Variants in PRAG1 observed in about 807,000 individuals in gnomAD.
The protein encoded by PRAG1 is inactive tyrosine-protein kinase PRAG1.
In PRAG1, 110 loss-of-function variants were observed where a neutral mutation model predicts 95.6. The observed-to-expected ratio is 1.15, with a 90% CI of 0.99 to 1.35. PRAG1 has a LOEUF of 1.35. Ranked by LOEUF, PRAG1 falls within the 40% of genes most tolerant of loss-of-function variation. PRAG1 has a pLI of 0.00. For missense variants in PRAG1, 2,554 were observed against 1,864.7 expected, an observed-to-expected ratio of 1.37 and a Z score of -6.81; for synonymous variants, 1,052 against 819.4, an observed-to-expected ratio of 1.28 and a Z score of -4.85.
chr8:8,363,868 T>A (rs2116898221), intron 3 of PRAG1, among the ~76,000 whole-genome samples: 1 of 152,340 alleles, frequency 6.6e-6, no homozygotes, highest in Admixed American at 6.5e-5. Flanking sequence ...GATTTCATTC[T>A]CTTAGTTATT....
chr8:8,376,237 T>C lies in PRAG1; in HGVS notation c.2162+10A>G, dbSNP rs1415737536. 1.2e-6 allele frequency: 2 copies of C among 1,609,306 alleles called. No individual in the cohort carries two copies. Among genetic ancestry groups the C allele is most frequent in the East Asian group, 2.2e-5 (1 of 44,870 alleles). ...TGCAGACAGAGTCCCAGGCAGACAA[T>C]GGTACTCACCGCGACTTTGGAGGCG... is the stretch of plus-strand genomic sequence containing the variant. On this transcript the variant is annotated intron_variant, in intron 3 of 5. Transcript: ENST00000615670.
rs528782231 is a variant in PRAG1 at position 8,376,611 on chromosome 8, G to A, written c.1798C>T (p.Arg600Trp). 40 of 1,603,356 alleles carry A rather than the reference G, an allele frequency of 2.5e-5. No homozygotes were observed. The highest frequency in any genetic ancestry group is 1.3e-4 in the Admixed American group (8 of 59,302). The part of the protein sequence containing the change: ...QGPADPAPSC[R>W]TNGVAISDPS... ...TCACTGATAGCGACACCGTTGGTCCGGCAGGAAGGAGCGGGGTCAGCAGGA... is the reference window on the plus strand; with the variant it reads ...TCACTGATAGCGACACCGTTGGTCCAGCAGGAAGGAGCGGGGTCAGCAGGA... Residue 600 changes from arginine (R) to tryptophan (W), a missense_variant, in exon 3 of 6, where the codon CGG (arginine) becomes TGG (tryptophan). Arg to Trp is a moderately radical substitution (Grantham distance 101, BLOSUM62 -3). Transcript: ENST00000615670.
Position 8,377,256 on chromosome 8 carries a change from C to T in PRAG1, c.1153G>A (p.Val385Met). 5.6e-6 allele frequency: 9 copies of T among 1,612,842 alleles called. No individual in the cohort carries two copies. The highest frequency in any genetic ancestry group is 7.6e-6 in the Non-Finnish European group (9 of 1,179,946). The change falls in exon 3 of 6, where the codon GTG (valine) becomes ATG (methionine). Residue 385 changes from valine (V) to methionine (M), a missense_variant. By Grantham distance (21) the Val-to-Met change is conservative. Coordinates refer to ENST00000615670, the MANE Select transcript of PRAG1 (RefSeq NM_001080826.3). Reference sequence around the variant, plus strand: ...AGCCCAAGGCATCTGCTAGGGGTCACCCCTGGGCAGCCAGGGTCCTGCTGC... The same window carrying T: ...AGCCCAAGGCATCTGCTAGGGGTCATCCCTGGGCAGCCAGGGTCCTGCTGC... ...EKQQDPGCPGVTPSRCLGLTG... is the reference protein window; with the variant it reads ...EKQQDPGCPGMTPSRCLGLTG...
chr8:8,357,741 G>C (rs73523424), intron 3 of PRAG1, among the ~76,000 whole-genome samples: 2,847 of 152,274 alleles, frequency 0.019, 85 homozygotes, highest in African/African-American at 0.065. Flanking sequence ...TTGCTTACCT[G>C]TGTTCATAGC....
chr8:8,369,547 C>A (rs1441197907), intron 3 of PRAG1, among the ~76,000 whole-genome samples: 1 of 152,152 alleles, frequency 6.6e-6, no homozygotes, highest in Non-Finnish European at 1.5e-5. Flanking sequence ...GAAATAAACA[C>A]GGCACTGTCT....
chr8:8,381,543 G>T lies in PRAG1; in HGVS notation c.205C>A (p.Leu69Met). ...RLPPRPENCR[L>M]EDEGVNSSPY... is the part of the protein sequence containing the mutation. ...GAGCTGTTCACACCTTCATCTTCCA[G>T]GCGGCAGTTCTCAGGCCTGGGAGGC... Residue 69 changes from leucine (L) to methionine (M), a missense_variant, in exon 2 of 6, where the codon CTG becomes ATG. Leu to Met is a conservative substitution (Grantham distance 15). Transcript: ENST00000615670. The T allele has an allele frequency of 6.2e-7, 1 of 1,614,218 alleles. No individual in the cohort carries two copies. Among genetic ancestry groups the T allele is most frequent in the Non-Finnish European group, 8.5e-7 (1 of 1,180,038 alleles).
Position 8,369,167 on chromosome 8 carries a change from C to T in PRAG1, c.2162+7080G>A, listed in dbSNP as rs1164400811. Among the ~76,000 whole-genome samples the T allele has an allele frequency of 2.0e-5, 3 of 150,894 alleles. No individual in the cohort carries two copies. The East Asian group carries it at 5.8e-4, about 29-fold the overall frequency. On this transcript the variant is annotated intron_variant, in intron 3 of 5. Coordinates refer to ENST00000615670, the MANE Select transcript of PRAG1 (RefSeq NM_001080826.3). ...TGAAATATCAGGCCAGGAACTATTA[C>T]ATTTGTAGTTCACTCTGGCTTGCTT...
intron 4 of PRAG1, among the ~76,000 whole-genome samples, chr8:8,333,170 A>G (rs1798875945): frequency 6.6e-6 from 1 of 152,174 alleles, no homozygotes; most frequent in Non-Finnish European, 1.5e-5. Context: ...AAAAGGGGTG[A>G]GAGGGGAGAA....
At chr8:8,331,036 T>TA (rs1230449718) in intron 4 of PRAG1, among the ~76,000 whole-genome samples, 1 of 152,186 alleles carries the variant, frequency 6.6e-6, no homozygotes, top group Admixed American at 6.5e-5. Context: ...GCGAGGCGTC[T>TA]GATTCTCAAT....
Position 8,377,951 on chromosome 8 carries a change from G to A in PRAG1, c.458C>T (p.Ser153Phe). 6.2e-7 allele frequency: 1 copy of A among 1,613,976 alleles called. No individual in the cohort carries two copies. Among genetic ancestry groups the A allele is most frequent in the South Asian group, 1.1e-5 (1 of 91,064 alleles). ...CATGGTGTAAGCTGGGGGACAGCGA[G>A]AATTGCCATCAGGGGAGGTAGAGGG... is the stretch of plus-strand genomic sequence containing the variant. ...AGPSTSPDGN[S>F]RCPPAYTMVG... Residue 153 changes from serine (S) to phenylalanine (F), a missense_variant, in exon 3 of 6, where the codon TCT becomes TTT. Coordinates refer to ENST00000615670, the MANE Select transcript of PRAG1 (RefSeq NM_001080826.3).
chr8:8,350,398 A>C lies in PRAG1; in HGVS notation c.2163-10763T>G, dbSNP rs373864841. On this transcript the variant is annotated intron_variant, in intron 3 of 5. Coordinates refer to ENST00000615670, the MANE Select transcript of PRAG1 (RefSeq NM_001080826.3). ...GATCACCTAAGAACAACGTGTTCCAACTCATGGCCTGGAAAGTCAAGGAGG... is the reference window on the plus strand; with the variant it reads ...GATCACCTAAGAACAACGTGTTCCACCTCATGGCCTGGAAAGTCAAGGAGG... Among the ~76,000 whole-genome samples the C allele has an allele frequency of 5.4e-4, 82 of 152,314 alleles. 1 individual carries two copies. The South Asian group carries it at 0.017, about 31-fold the overall frequency.
intron 3 of PRAG1, among the ~76,000 whole-genome samples, chr8:8,368,706 G>A (rs961969876): frequency 6.6e-6 from 1 of 152,116 alleles, no homozygotes; most frequent in South Asian, 2.1e-4. Context: ...TCCCTCTGAC[G>A]ACGTCAGGGA....
intron 3 of PRAG1, among the ~76,000 whole-genome samples, chr8:8,372,580 G>A (rs745473275): frequency 2.6e-5 from 4 of 152,162 alleles, no homozygotes; most frequent in Admixed American, 1.3e-4. Flanking sequence ...TGGAGGGTTG[G>A]GCAGGCACTT....
At position 8,381,426 on chromosome 8, in the gene PRAG1, C is replaced by G. The variant is rs755458576; in HGVS notation, c.322G>C (p.Val108Leu). 2 of 1,604,600 alleles carry G rather than the reference C, an allele frequency of 1.2e-6. No individual in the cohort carries two copies. Among genetic ancestry groups the G allele is most frequent in the Non-Finnish European group, 1.7e-6 (2 of 1,172,264 alleles). The change falls in exon 2 of 6, where the codon GTC becomes CTC. Residue 108 changes from valine to leucine, a missense_variant. By Grantham distance (32) the Val-to-Leu change is conservative. Transcript: ENST00000615670. ...VWTEANLSAE[V>L]SQVIWRRAPG... Reference sequence around the variant, plus strand: ...GTGTTAGTCAGCCTCACCTGCGAGACTTCGGCACTCAGGTTGGCCTCTGTC... The same window carrying G: ...GTGTTAGTCAGCCTCACCTGCGAGAGTTCGGCACTCAGGTTGGCCTCTGTC...
intron 3 of PRAG1, among the ~76,000 whole-genome samples, chr8:8,352,098 C>T (rs1432087440): frequency 2.6e-5 from 4 of 152,182 alleles, no homozygotes; most frequent in Non-Finnish European, 5.9e-5. Context: ...CTTTGTTGAA[C>T]CAGCTTCAGT....
intron 3 of PRAG1, among the ~76,000 whole-genome samples, chr8:8,363,153 G>A (rs1799898254): frequency 6.7e-6 from 1 of 149,896 alleles, no homozygotes; most frequent in African/African-American, 2.4e-5. Context: ...GACTATATAA[G>A]GTTTAACAAA....
intron 4 of PRAG1, among the ~76,000 whole-genome samples, chr8:8,331,539 T>G (rs1226967923): frequency 2.0e-5 from 3 of 152,176 alleles, no homozygotes; most frequent in African/African-American, 7.2e-5. Flanking sequence ...ATCAAATAGC[T>G]CTAGGCAGAT....
Position 8,319,271 on chromosome 8 carries a change from G to C in PRAG1, c.3104C>G (p.Ser1035Cys). 1 of 1,527,084 alleles carries C rather than the reference G, an allele frequency of 6.5e-7. No individual in the cohort carries two copies. Among genetic ancestry groups the C allele is most frequent in the Non-Finnish European group, 8.8e-7 (1 of 1,132,266 alleles). The allele number at this position is 1,527,084 out of a possible 1,614,324, so 94.6% of individuals were successfully genotyped here. ...ICKAPEPKTV[S>C]YCSPSVPVHF... Reference sequence around the variant, plus strand: ...CACGGGCACGGACGGGCTGCAGTAGGAGACTGTTTTGGGCTCAGGGGCTTT... The same window carrying C: ...CACGGGCACGGACGGGCTGCAGTAGCAGACTGTTTTGGGCTCAGGGGCTTT... The change falls in exon 6 of 6, where the codon TCC becomes TGC. Residue 1035 changes from serine (S) to cysteine (C), a missense_variant. Coordinates refer to ENST00000615670, the MANE Select transcript of PRAG1 (RefSeq NM_001080826.3).
intron 3 of PRAG1, among the ~76,000 whole-genome samples, chr8:8,346,413 G>C (rs1050889306): frequency 2.6e-5 from 4 of 152,172 alleles, no homozygotes; most frequent in African/African-American, 9.7e-5. Context: ...ATACAGTCCA[G>C]GCAGGCAGGG....
Sources: allele counts gnomAD v4.1 joint callset (sites outside exome capture counted in the v4.1 genomes callset), GRCh38; gene constraint gnomAD v4.1.1; transcripts MANE v1.5; gene names NCBI Gene and HGNC (gene_info 2026-07-23, HGNC 2026-07-21).